The following ADCK1 variants were observed in gnomAD, a reference collection of about 807,000 sequenced individuals.
ADCK1 encodes aarF domain containing kinase 1.
Under a neutral mutation model 52.3 loss-of-function variants are expected in ADCK1, and 41 were observed. The ratio of observed to expected loss-of-function variants is 0.78; its 90% CI spans 0.61 to 1.02. ADCK1 has a LOEUF of 1.02. Ranked by LOEUF, ADCK1 falls within the 50% of genes least tolerant of loss-of-function variation. The pLI, the probability that ADCK1 is intolerant of heterozygous loss-of-function variation, is 0.00. For missense variants in ADCK1, 658 were observed against 679.5 expected, an observed-to-expected ratio of 0.97 and a Z score of 0.35; for synonymous variants, 250 against 274.6, an observed-to-expected ratio of 0.91 and a Z score of 0.89.
chr14:77,812,124 T>TTG (rs2081349334), intron 1 of ADCK1, among the ~76,000 whole-genome samples: 1 of 152,066 alleles, frequency 6.6e-6, no homozygotes, highest in South Asian at 2.1e-4. Context: ...AGTTACCCTT[T>TTG]TGTGTGTGTG....
chr14:77,869,778 G>A (rs2140162501), intron 4 of ADCK1, among the ~76,000 whole-genome samples: 1 of 152,324 alleles, frequency 6.6e-6, no homozygotes, highest in Middle Eastern at 3.4e-3. Context: ...ACTTCTGTCT[G>A]TGGGTCAGCC....
Position 77,924,533 on chromosome 14 carries a change from G to C in ADCK1, c.935G>C (p.Gly312Ala). The change falls in exon 8 of 11, where the codon GGC becomes GCC. Residue 312 changes from glycine to alanine, a missense_variant. Gly to Ala is a moderately conservative substitution (Grantham distance 60). Transcript: ENST00000238561. Reference sequence around the variant, plus strand: ...TTCGTGCACTGCGATCCCCACCCCGGCAATGTACTGGTGCGGAAGCACCCC... The same window carrying C: ...TTCGTGCACTGCGATCCCCACCCCGCCAATGTACTGGTGCGGAAGCACCCC... ...NGFVHCDPHP[G>A]NVLVRKHPGT... 6.2e-7 allele frequency: 1 copy of C among 1,614,080 alleles called. No individual in the cohort carries two copies. Among genetic ancestry groups the C allele is most frequent in the Non-Finnish European group, 8.5e-7 (1 of 1,180,042 alleles).
At chr14:77,890,231 T>G (rs1162652799) in intron 5 of ADCK1, among the ~76,000 whole-genome samples, 1 of 152,190 alleles carries the variant, frequency 6.6e-6, no homozygotes, top group Non-Finnish European at 1.5e-5. Context: ...GTAGCTTGAC[T>G]GGGGGCTGGA....
At chr14:77,813,229 C>T (rs935780516) in intron 1 of ADCK1, among the ~76,000 whole-genome samples, 2 of 150,654 alleles carry the variant, frequency 1.3e-5, no homozygotes, top group Admixed American at 6.6e-5. Flanking sequence ...CTTGAACTCC[C>T]GACCTCAGGT....
In ADCK1 at chr14:77,807,259, G is replaced by A. The variant is rs1267816417; in HGVS notation, c.-12+7089G>A. Among the ~76,000 whole-genome samples, 10 of 149,804 alleles carry A rather than the reference G, an allele frequency of 6.7e-5. No homozygotes were observed. In the East Asian group the frequency reaches 8.0e-4, roughly 12 times the overall value. On this transcript the variant is annotated intron_variant, in intron 1 of 10. Transcript: ENST00000238561. ...AATTTTTTGTATTTTTAGTAGAGAC[G>A]GGGTTTCACCATGTTAGCCGGGATG... is the stretch of plus-strand genomic sequence containing the variant.
intron 3 of ADCK1, among the ~76,000 whole-genome samples, chr14:77,842,209 C>T (rs1039248917): frequency 6.6e-6 from 1 of 152,010 alleles, no homozygotes. Flanking sequence ...TGGCATGTCA[C>T]CTGTAATTTC....
At chr14:77,820,288 G>C (rs1469548576) in intron 2 of ADCK1, among the ~76,000 whole-genome samples, 3 of 148,890 alleles carry the variant, frequency 2.0e-5, no homozygotes, top group Non-Finnish European at 4.5e-5. Flanking sequence ...CCTAGGGGTA[G>C]CAGGTTTTAT....
intron 5 of ADCK1, among the ~76,000 whole-genome samples, chr14:77,895,405 A>G (rs1455289286): frequency 6.6e-6 from 1 of 152,242 alleles, no homozygotes; most frequent in Non-Finnish European, 1.5e-5. Flanking sequence ...TCATTTGTTC[A>G]TTCATTTACT....
chr14:77,912,196 C>T (rs1023492600), intron 7 of ADCK1, among the ~76,000 whole-genome samples: 1 of 152,178 alleles, frequency 6.6e-6, no homozygotes, highest in African/African-American at 2.4e-5. Flanking sequence ...TCCCCAGTCC[C>T]TGGCTTTTAG....
In ADCK1 at chr14:77,858,725, C is replaced by T. The variant is rs370212790; in HGVS notation, c.220-351C>T. On this transcript the variant is annotated intron_variant, in intron 3 of 10. Transcript: ENST00000238561. ...GGGGTGGGTGGCAAATACTTTAACTCTGTGTCCCTTGAATGAGTCATTAGT... is the reference window on the plus strand; with the variant it reads ...GGGGTGGGTGGCAAATACTTTAACTTTGTGTCCCTTGAATGAGTCATTAGT... 1.2e-4 allele frequency among the ~76,000 whole-genome samples: 18 copies of T among 152,274 alleles called. No homozygotes were observed. The South Asian group carries it at 3.5e-3, about 30-fold the overall frequency.
chr14:77,866,223 T>C (rs2082657194), intron 4 of ADCK1, among the ~76,000 whole-genome samples: 1 of 152,190 alleles, frequency 6.6e-6, no homozygotes, highest in Non-Finnish European at 1.5e-5. Flanking sequence ...AACACAATGG[T>C]GCGTATTTAT....
chr14:77,836,062 G>T (rs536143673), intron 3 of ADCK1, among the ~76,000 whole-genome samples: 2 of 152,120 alleles, frequency 1.3e-5, no homozygotes, highest in African/African-American at 4.8e-5. Context: ...AGGTCATAAG[G>T]GCTCTGCCCT....
intron 3 of ADCK1, among the ~76,000 whole-genome samples, chr14:77,858,762 G>A (rs1019574067): frequency 1.3e-5 from 2 of 152,114 alleles, no homozygotes; most frequent in African/African-American, 2.4e-5. Flanking sequence ...GGTTAGACTT[G>A]GTTAAAAGCC....
chr14:77,848,391 T>G (rs1187206364), intron 3 of ADCK1, among the ~76,000 whole-genome samples: 1 of 152,240 alleles, frequency 6.6e-6, no homozygotes, highest in African/African-American at 2.4e-5. Flanking sequence ...ATGAGGAGAA[T>G]GATAGTACCT....
At chr14:77,921,349 GAA>G (rs923068399) in intron 7 of ADCK1, among the ~76,000 whole-genome samples, 1 of 80,396 alleles carries the variant, frequency 1.2e-5, no homozygotes, top group Admixed American at 1.1e-4. Context: ...AAAAAAAAAA[GAA>G]AAAAAAGTTA....
intron 4 of ADCK1, among the ~76,000 whole-genome samples, chr14:77,861,869 G>A (rs1357285136): frequency 6.6e-6 from 1 of 152,222 alleles, no homozygotes; most frequent in African/African-American, 2.4e-5. Context: ...TGGACCCCAC[G>A]GTTCATATGC....
In ADCK1 at chr14:77,925,865, C is replaced by T. The variant is rs535329249; in HGVS notation, c.1110C>T (p.Ala370=). 15 of 1,614,190 alleles carry T rather than the reference C, an allele frequency of 9.3e-6. 1 individual carries two copies. Among genetic ancestry groups the T allele is most frequent in the African/African-American group, 2.7e-5 (2 of 75,048 alleles). ...RVKEYSQRLG[A]GDLYPLFACM... ...AGGAGTACAGCCAGCGACTGGGAGC[C>T]GGGGATCTCTACCCCTTGTTTGCCT... Residue 370 remains alanine, a synonymous_variant, in exon 9 of 11, where the codon GCC becomes GCT. Transcript: ENST00000238561.
chr14:77,915,556 T>C (rs1484573728), intron 7 of ADCK1, among the ~76,000 whole-genome samples: 2 of 152,066 alleles, frequency 1.3e-5, no homozygotes, highest in Admixed American at 6.6e-5. Context: ...GTGGCACATA[T>C]ACACCATGGA....
chr14:77,900,082 A>AG lies in ADCK1; in HGVS notation c.741+824_741+825insG, dbSNP rs1555357749. ...TGAAACTCCGTCTCAAAAAAAAAAA[A>AG]AAAGAAAATTCATCAGTAATACAGT... On this transcript the variant is annotated intron_variant, in intron 6 of 10. Transcript: ENST00000238561. Among the ~76,000 whole-genome samples, 5 of 110,614 alleles carry AG rather than the reference A, an allele frequency of 4.5e-5. 1 individual carries two copies. Among genetic ancestry groups the AG allele is most frequent in the Non-Finnish European group, 3.6e-5 (2 of 56,104 alleles). 72.6% of individuals were successfully genotyped at this position (110,614 alleles called of 152,430 possible).
Sources: gnomAD v4.1 joint callset for allele counts (sites outside exome capture counted in the v4.1 genomes callset) on GRCh38, gnomAD v4.1.1 for gene constraint, MANE v1.5 for transcripts, NCBI Gene and HGNC (gene_info 2026-07-23, HGNC 2026-07-21) for gene names.